The following FGGY variants were observed in gnomAD, a reference collection of about 807,000 sequenced individuals.
The protein encoded by FGGY is FGGY carbohydrate kinase domain containing.
FGGY carries 72 observed loss-of-function variants against 71.3 expected under a neutral mutation model. The observed-to-expected ratio is 1.01, with a 90% CI of 0.84 to 1.23. FGGY has a LOEUF of 1.23. Ranked by LOEUF, FGGY falls within the 50% of genes most tolerant of loss-of-function variation. The pLI is 0.00. For synonymous variants in FGGY, 251 were observed against 250.3 expected (o/e 1.00, Z -0.02); for missense variants, 668 against 682.3 (o/e 0.98, Z 0.23).
chr1:59,371,619 C>T (rs964948319), intron 4 of FGGY, among the ~76,000 whole-genome samples: 4 of 152,072 alleles, frequency 2.6e-5, no homozygotes, highest in East Asian at 1.9e-4. Flanking sequence ...TTTTCAGCAC[C>T]GCACCACACC....
chr1:59,423,765 C>T (rs1269549710), intron 5 of FGGY, among the ~76,000 whole-genome samples: 1 of 152,184 alleles, frequency 6.6e-6, no homozygotes, highest in African/African-American at 2.4e-5. Context: ...ACCAAAGATG[C>T]CTTGGAAACC....
intron 5 of FGGY, among the ~76,000 whole-genome samples, chr1:59,441,567 A>T (rs2069886980): frequency 6.6e-6 from 1 of 152,178 alleles, no homozygotes; most frequent in African/African-American, 2.4e-5. Flanking sequence ...CCAAGAGATG[A>T]TGATGATGTT....
chr1:59,616,561 A>G (rs1248472448), intron 9 of FGGY, among the ~76,000 whole-genome samples: 14 of 152,212 alleles, frequency 9.2e-5, no homozygotes, highest in African/African-American at 2.6e-4. Context: ...CCGCACACCA[A>G]TATGGCACAT....
At chr1:59,705,211 A>G (rs554984936) in intron 14 of FGGY, among the ~76,000 whole-genome samples, 1 of 152,136 alleles carries the variant, frequency 6.6e-6, no homozygotes, top group Admixed American at 6.6e-5. Flanking sequence ...GTCCCTTCTT[A>G]TCTACCTTTG....
At chr1:59,606,744 G>A (rs994758447) in intron 8 of FGGY, among the ~76,000 whole-genome samples, 4 of 152,142 alleles carry the variant, frequency 2.6e-5, no homozygotes, top group Admixed American at 2.0e-4. Flanking sequence ...ACTTGACTCT[G>A]GGCAGTTGGC....
At chr1:59,722,516 C>T (rs917080106) in intron 14 of FGGY, among the ~76,000 whole-genome samples, 2 of 152,126 alleles carry the variant, frequency 1.3e-5, no homozygotes, top group East Asian at 3.9e-4. Context: ...TTTATTTATT[C>T]ACTCATTCAT....
intron 5 of FGGY, among the ~76,000 whole-genome samples, chr1:59,424,503 C>T (rs537270212): frequency 3.9e-5 from 6 of 152,118 alleles, no homozygotes; most frequent in Non-Finnish European, 5.9e-5. Context: ...GCCAAAATCG[C>T]GCCACTGCAC....
intron 4 of FGGY, among the ~76,000 whole-genome samples, chr1:59,363,052 A>G (rs1050543942): frequency 6.6e-5 from 10 of 152,220 alleles, no homozygotes; most frequent in African/African-American, 2.4e-4. Flanking sequence ...AGTAGAAGAG[A>G]CAGACCCACA....
intron 5 of FGGY, among the ~76,000 whole-genome samples, chr1:59,428,799 A>G (rs1326965649): frequency 4.6e-5 from 7 of 152,180 alleles, no homozygotes; most frequent in African/African-American, 1.4e-4. Context: ...CTATGATGGC[A>G]CCTTTTGGTT....
chr1:59,509,689 A>G (rs1011905603), intron 6 of FGGY, among the ~76,000 whole-genome samples: 2 of 152,136 alleles, frequency 1.3e-5, no homozygotes, highest in Non-Finnish European at 2.9e-5. Flanking sequence ...CTGTGGTCCT[A>G]TAGCCTATAA....
intron 7 of FGGY, among the ~76,000 whole-genome samples, chr1:59,545,074 A>G (rs1306701148): frequency 6.6e-6 from 1 of 152,156 alleles, no homozygotes; most frequent in Admixed American, 6.5e-5. Flanking sequence ...TTCAGATCTG[A>G]GTCACTGGTC....
At chr1:59,304,079 C>A (rs983149210) in intron 1 of FGGY, among the ~76,000 whole-genome samples, 1 of 152,052 alleles carries the variant, frequency 6.6e-6, no homozygotes, top group South Asian at 2.1e-4. Flanking sequence ...TGTGCAGAAA[C>A]TTTGATGTAG....
intron 14 of FGGY, among the ~76,000 whole-genome samples, chr1:59,745,297 AAG>A (rs1368190454): frequency 3.3e-5 from 5 of 152,178 alleles, no homozygotes; most frequent in African/African-American, 1.2e-4. Context: ...GGGAACTTGA[AAG>A]AGCATGGAGG....
intron 5 of FGGY, among the ~76,000 whole-genome samples, chr1:59,424,807 AGGAAG>A (rs1184700343): frequency 6.6e-6 from 1 of 152,162 alleles, no homozygotes; most frequent in East Asian, 1.9e-4. Flanking sequence ...TTAGGGTCAA[AGGAAG>A]GCATGATTTG....
At chr1:59,574,149 C>A (rs979667974) in intron 8 of FGGY, among the ~76,000 whole-genome samples, 1 of 152,216 alleles carries the variant, frequency 6.6e-6, no homozygotes, top group Non-Finnish European at 1.5e-5. Flanking sequence ...AAGTTCAAAA[C>A]CAGTTTCACT....
chr1:59,313,262 C>T (rs2044708104), intron 1 of FGGY, among the ~76,000 whole-genome samples: 1 of 152,162 alleles, frequency 6.6e-6, no homozygotes, highest in Admixed American at 6.5e-5. Context: ...AATACCATCA[C>T]CTTAGGGGTT....
intron 3 of FGGY, 79 bp downstream of exon 3, chr1:59,340,148 G>T: frequency 1.1e-6 from 1 of 929,110 alleles, no homozygotes; most frequent in Non-Finnish European, 1.7e-6. Flanking sequence ...GAACAGGAGG[G>T]CAGGCGTCTC....
chr1:59,436,799 CAGGA>C (rs1223629513), intron 5 of FGGY, among the ~76,000 whole-genome samples: 2 of 152,126 alleles, frequency 1.3e-5, no homozygotes, highest in Non-Finnish European at 2.9e-5. Flanking sequence ...TGTCACAACA[CAGGA>C]AGGGAAAGTA....
Position 59,440,094 on chromosome 1 carries a change from C to CAAAA in FGGY, c.555-16852_555-16849dup, listed in dbSNP as rs140279518. On this transcript the variant is annotated intron_variant, in intron 5 of 15. Transcript: ENST00000303721. Reference sequence around the variant, plus strand: ...TTGTTATAAACTGCTTTGCAAGGTTCAAAAAAAAAAAAAAAAAACGGAAAT... The same window carrying CAAAA: ...TTGTTATAAACTGCTTTGCAAGGTTCAAAAAAAAAAAAAAAAAAAAAACGGAAAT... 3.3e-3 allele frequency among the ~76,000 whole-genome samples: 410 copies of CAAAA among 125,514 alleles called. 6 individuals are homozygous for CAAAA. Among genetic ancestry groups the CAAAA allele is most frequent in the Middle Eastern group, 7.9e-3 (2 of 252 alleles). 82.3% of individuals were successfully genotyped at this position (125,514 alleles called of 152,430 possible).
Sources: allele counts gnomAD v4.1 joint callset (sites outside exome capture counted in the v4.1 genomes callset), GRCh38; gene constraint gnomAD v4.1.1; transcripts MANE v1.5; gene names NCBI Gene and HGNC (gene_info 2026-07-23, HGNC 2026-07-21).